EPS8: variants seen among roughly 807,000 people sequenced by gnomAD.
EPS8 encodes epidermal growth factor receptor kinase substrate 8.
EPS8 carries 42 observed loss-of-function variants against 103.8 expected under a neutral mutation model. That is an observed-to-expected ratio of 0.40 (90% confidence interval 0.32 to 0.52). EPS8 has a LOEUF of 0.52. EPS8 is among the 20% of genes least tolerant of loss of function. The probability of loss-of-function intolerance (pLI) is 0.40; values close to 1 mark genes in which losing one functional copy is unlikely to be tolerated. For synonymous variants in EPS8, 344 were observed against 344.6 expected (o/e 1.00, Z 0.02); for missense variants, 969 against 1,005.1 (o/e 0.96, Z 0.49).
At chr12:15,646,802 A>G (rs1396063422) in intron 15 of EPS8, among the ~76,000 whole-genome samples, 1 of 152,228 alleles carries the variant, frequency 6.6e-6, no homozygotes, top group Non-Finnish European at 1.5e-5. Flanking sequence ...AACTGGAAGG[A>G]TCCTCAGAGA....
rs372207428 is a variant in EPS8, at chr12:15,719,202, CAT to C, written c.-21-36232_-21-36231del. The stretch of plus-strand genomic sequence containing the variant: ...TCATATATATGTATATATAAACATA[CAT>C]ATATATATATATACACACATACATA... On this transcript the variant is annotated intron_variant, in intron 1 of 20. Coordinates refer to ENST00000281172, the MANE Select transcript of EPS8 (RefSeq NM_004447.6). 3.5e-4 allele frequency among the ~76,000 whole-genome samples: 52 copies of C among 149,764 alleles called. No individual in the cohort carries two copies. In the East Asian group the frequency reaches 3.5e-3, roughly 10 times the overall value.
intron 18 of EPS8, among the ~76,000 whole-genome samples, chr12:15,627,120 C>G (rs767903840): frequency 6.6e-5 from 10 of 152,278 alleles, no homozygotes; most frequent in Admixed American, 3.9e-4. Flanking sequence ...CTGCCTCAGC[C>G]TATGGAGTAG....
At position 15,781,313 on chromosome 12, in the gene EPS8, A is replaced by G. The variant is rs1194084874; in HGVS notation, c.-22+7848T>C. Reference sequence around the variant, plus strand: ...TATATAGCACAGTATTAAATAAAAGAATGTAATTAAGGACACTCTGGCCAT... The same window carrying G: ...TATATAGCACAGTATTAAATAAAAGGATGTAATTAAGGACACTCTGGCCAT... On this transcript the variant is annotated intron_variant, in intron 1 of 20. Transcript: ENST00000281172. The surrounding 1 kb of genome is among the most constrained non-coding windows in gnomAD (Gnocchi z 4.1). 1.3e-5 allele frequency among the ~76,000 whole-genome samples: 2 copies of G among 152,148 alleles called. No homozygotes were observed. Among genetic ancestry groups the G allele is most frequent in the Non-Finnish European group, 2.9e-5 (2 of 68,028 alleles).
At chr12:15,628,586 G>A (rs560968732) in intron 18 of EPS8, among the ~76,000 whole-genome samples, 4 of 152,338 alleles carry the variant, frequency 2.6e-5, no homozygotes, top group Admixed American at 6.5e-5. Context: ...GGGATCCTGC[G>A]ATAAAACAGC....
In EPS8 at chr12:15,759,383, TA is replaced by T. The variant is rs1040864948; in HGVS notation, c.-22+29777del. Among the ~76,000 whole-genome samples the T allele has an allele frequency of 3.3e-5, 5 of 152,066 alleles. No individual in the cohort carries two copies. The highest frequency in any genetic ancestry group is 5.9e-5 in the Non-Finnish European group (4 of 67,948). Reference sequence around the variant, plus strand: ...ATTCAACACAACTAATTTTATGCAATAAAAAAATTATAATGACCATCTACTG... The same window carrying T: ...ATTCAACACAACTAATTTTATGCAATAAAAAATTATAATGACCATCTACTG... On this transcript the variant is annotated intron_variant, in intron 1 of 20. Coordinates refer to ENST00000281172, the MANE Select transcript of EPS8 (RefSeq NM_004447.6). This position sits in a 1 kb window ranked among gnomAD's most constrained non-coding sequence, Gnocchi z 4.9.
At chr12:15,724,773 CTGCCACCATGTAAGACA>C (rs1264847992) in intron 1 of EPS8, among the ~76,000 whole-genome samples, 2 of 152,092 alleles carry the variant, frequency 1.3e-5, no homozygotes, top group African/African-American at 4.8e-5. Context: ...TCTCTCGTAC[CTGCCACCATGTAAGACA>C]TGCCTTTCAC....
At chr12:15,682,543 A>G (rs984630083) in intron 2 of EPS8, among the ~76,000 whole-genome samples, 4 of 152,204 alleles carry the variant, frequency 2.6e-5, no homozygotes, top group African/African-American at 4.8e-5. Flanking sequence ...AAATGCCAAT[A>G]TTTTATAAAT....
At chr12:15,744,864 A>G (rs1946859694) in intron 1 of EPS8, among the ~76,000 whole-genome samples, 1 of 152,080 alleles carries the variant, frequency 6.6e-6, no homozygotes, top group Non-Finnish European at 1.5e-5. Context: ...GTCCATTATT[A>G]CTATTTTTTT....
chr12:15,637,228 C>T lies in EPS8; in HGVS notation c.1821+3475G>A, dbSNP rs531277635. On this transcript the variant is annotated intron_variant, in intron 17 of 20. Transcript: ENST00000281172. ...TAGAGACAGGGTTTTGCCATGTTGG[C>T]CAGGCTGGTCTCAAACTCCTCACCT... Among the ~76,000 whole-genome samples, 32 of 152,328 alleles carry T rather than the reference C, an allele frequency of 2.1e-4. 1 individual carries two copies. In the South Asian group the frequency reaches 6.4e-3, roughly 31 times the overall value.
chr12:15,640,587 A>C, intron 17 of EPS8, 116 bp downstream of exon 17: 1 of 875,630 alleles, frequency 1.1e-6, no homozygotes, highest in South Asian at 2.4e-5. Context: ...TCTAGAAAAA[A>C]TATATAACCA....
intron 1 of EPS8, among the ~76,000 whole-genome samples, chr12:15,687,921 A>T (rs906398399): frequency 2.0e-5 from 3 of 152,248 alleles, no homozygotes; most frequent in Non-Finnish European, 4.4e-5. Flanking sequence ...TTAACTCTGC[A>T]TCAGGTATCA....
rs115056526 is a variant in EPS8 at position 15,620,684 on chromosome 12, A to C, written c.*633T>G. 3.9e-5 allele frequency: 6 copies of C among 152,668 alleles called. No individual in the cohort carries two copies. Among genetic ancestry groups the C allele is most frequent in the Admixed American group, 3.3e-4 (5 of 15,270 alleles). 9.5% of individuals were successfully genotyped at this position (152,668 alleles called of 1,614,324 possible). On this transcript the variant is annotated 3_prime_UTR_variant, in exon 21 of 21. Transcript: ENST00000281172. ...AACTAAATCAAAATACAAGCTATAC[A>C]AGGAGTTGCAATCAACAGAGCCATG...
At chr12:15,692,318 G>GTTT (rs796131633) in intron 1 of EPS8, among the ~76,000 whole-genome samples, 2 of 62,114 alleles carry the variant, frequency 3.2e-5, no homozygotes, top group Non-Finnish European at 4.6e-5. Flanking sequence ...AAAGAGGTTT[G>GTTT]GTTTTTTTTT....
chr12:15,780,920 T>C lies in EPS8; in HGVS notation c.-22+8241A>G, dbSNP rs1422098730. 1.3e-5 allele frequency among the ~76,000 whole-genome samples: 2 copies of C among 152,232 alleles called. No homozygotes were observed. Among genetic ancestry groups the C allele is most frequent in the Middle Eastern group, 3.2e-3 (1 of 316 alleles). ...GTAAAAATATGATAATAAGTGCTAATTTCATTCAGCAAGCCTTTTGTGAGT... is the reference window on the plus strand; with the variant it reads ...GTAAAAATATGATAATAAGTGCTAACTTCATTCAGCAAGCCTTTTGTGAGT... On this transcript the variant is annotated intron_variant, in intron 1 of 20. Coordinates refer to ENST00000281172, the MANE Select transcript of EPS8 (RefSeq NM_004447.6). This position sits in a 1 kb window ranked among gnomAD's most constrained non-coding sequence, Gnocchi z 4.1.
intron 6 of EPS8, among the ~76,000 whole-genome samples, chr12:15,669,133 A>G (rs996897021): frequency 6.6e-5 from 10 of 152,212 alleles, no homozygotes; most frequent in African/African-American, 2.4e-4. Context: ...GCCTCAAGCC[A>G]TCTTACAGCC....
At chr12:15,740,912 G>A (rs948019645) in intron 1 of EPS8, among the ~76,000 whole-genome samples, 5 of 152,150 alleles carry the variant, frequency 3.3e-5, no homozygotes, top group Non-Finnish European at 5.9e-5. Flanking sequence ...TAGAAAAAAG[G>A]TCAATTTCTT....
At chr12:15,656,822 C>T (rs1945515430) in intron 12 of EPS8, among the ~76,000 whole-genome samples, 2 of 152,252 alleles carry the variant, frequency 1.3e-5, no homozygotes, top group East Asian at 3.9e-4. Flanking sequence ...CTTAGTTAAT[C>T]ATCACTCCAT....
rs1947031058 is a variant in EPS8, at chr12:15,760,566, C to G, written c.-22+28595G>C. Among the ~76,000 whole-genome samples, 2 of 151,968 alleles carry G rather than the reference C, an allele frequency of 1.3e-5. No individual in the cohort carries two copies. Among genetic ancestry groups the G allele is most frequent in the Admixed American group, 6.6e-5 (1 of 15,246 alleles). On this transcript the variant is annotated intron_variant, in intron 1 of 20. Coordinates refer to ENST00000281172, the MANE Select transcript of EPS8 (RefSeq NM_004447.6). The surrounding 1 kb of genome is among the most constrained non-coding windows in gnomAD (Gnocchi z 4.5). ...AAATCCTCAAACAAATACCAGCAAA[C>G]CGAATTCAATAATACCTTTAAAAGA...
chr12:15,707,524 T>C (rs1946402863), intron 1 of EPS8, among the ~76,000 whole-genome samples: 1 of 151,868 alleles, frequency 6.6e-6, no homozygotes, highest in Non-Finnish European at 1.5e-5. Context: ...CTTGCTTATC[T>C]GTAAGGGCCT....
Sources: allele counts gnomAD v4.1 joint callset (sites outside exome capture counted in the v4.1 genomes callset), GRCh38; gene constraint gnomAD v4.1.1; non-coding constraint Gnocchi (gnomAD v3.1); transcripts MANE v1.5; gene names NCBI Gene and HGNC (gene_info 2026-07-23, HGNC 2026-07-21).